The following DENND1B variants were observed in gnomAD, a reference collection of about 807,000 sequenced individuals.
DENND1B encodes the protein DENN domain containing 1B, also known as DENN domain-containing protein 1B.
Under a neutral mutation model 90.1 loss-of-function variants are expected in DENND1B, and 59 were observed. That is an observed-to-expected ratio of 0.65 (90% confidence interval 0.53 to 0.81). DENND1B has a LOEUF of 0.81. Among genes scored for constraint, DENND1B ranks in the 40% least tolerant of loss-of-function variants. The pLI is 0.00. For missense variants in DENND1B, 862 were observed against 912.6 expected (o/e 0.94, Z 0.71); for synonymous variants, 337 against 324.6 (o/e 1.04, Z -0.41).
At chr1:197,528,625 C>T (rs1669313095) in intron 20 of DENND1B, among the ~76,000 whole-genome samples, 1 of 152,094 alleles carries the variant, frequency 6.6e-6, no homozygotes, top group Admixed American at 6.5e-5. Context: ...CTTTGGGAGG[C>T]CGAGGCGGGC....
chr1:197,592,386 G>T (rs138134381), intron 14 of DENND1B, among the ~76,000 whole-genome samples: 1 of 152,076 alleles, frequency 6.6e-6, no homozygotes, highest in East Asian at 1.9e-4. Context: ...GGTGCTCAAT[G>T]GTCAGTTAAC....
intron 15 of DENND1B, among the ~76,000 whole-genome samples, chr1:197,577,785 C>T (rs1213519881): frequency 6.6e-6 from 1 of 152,084 alleles, no homozygotes; most frequent in Non-Finnish European, 1.5e-5. Context: ...ACAAATGGAA[C>T]CCACTATCAT....
At chr1:197,552,441 T>G (rs1282856966) in intron 16 of DENND1B, 1 of 985,238 alleles carries the variant, frequency 1.0e-6, no homozygotes, top group Non-Finnish European at 1.2e-6. Flanking sequence ...ATTAATTGCC[T>G]AGATAATTAT....
At chr1:197,572,952 G>A (rs1673309063) in intron 15 of DENND1B, among the ~76,000 whole-genome samples, 2 of 152,142 alleles carry the variant, frequency 1.3e-5, no homozygotes, top group South Asian at 2.1e-4. Flanking sequence ...ATTCTCTGAC[G>A]GTAGTTTGAA....
At position 197,511,964 on chromosome 1, in the gene DENND1B, G is replaced by C. The variant is rs372937455; in HGVS notation, c.1599-20C>G. On this transcript the variant is annotated intron_variant, in intron 21 of 22. Transcript: ENST00000620048. The stretch of plus-strand genomic sequence containing the variant: ...GATAACCTGAAGAAAAATAAAACAC[G>C]CAGTAGTAGGTAAATAACCATATTT... 6.4e-7 allele frequency: 1 copy of C among 1,572,824 alleles called. No homozygotes were observed. Among genetic ancestry groups the C allele is most frequent in the Non-Finnish European group, 8.7e-7 (1 of 1,151,334 alleles).
At chr1:197,540,540 T>C (rs1304428265) in intron 19 of DENND1B, among the ~76,000 whole-genome samples, 1 of 152,118 alleles carries the variant, frequency 6.6e-6, no homozygotes, top group Non-Finnish European at 1.5e-5. Context: ...TTTTGTAAAT[T>C]AAGAACATTC....
rs538423259 is a variant in DENND1B, at chr1:197,760,903, C to G, written c.82+11965G>C. Among the ~76,000 whole-genome samples the G allele has an allele frequency of 3.3e-5, 5 of 152,046 alleles. 1 individual carries two copies. The highest frequency in any genetic ancestry group is 5.9e-5 in the Non-Finnish European group (4 of 68,010). ...CTAGCATTCCATTTCAATATTTCCA[C>G]GTTTAGGGTATACAGTCAACATCCC... is the stretch of plus-strand genomic sequence containing the variant. On this transcript the variant is annotated intron_variant, in intron 2 of 22. Transcript: ENST00000620048.
intron 3 of DENND1B, among the ~76,000 whole-genome samples, chr1:197,683,583 C>A (rs1055218491): frequency 9.9e-5 from 15 of 152,018 alleles, no homozygotes; most frequent in African/African-American, 3.4e-4. Context: ...ACAGAGAGAA[C>A]CTGGTCTGGG....
At chr1:197,566,053 AG>A (rs1672631655) in intron 15 of DENND1B, among the ~76,000 whole-genome samples, 1 of 152,084 alleles carries the variant, frequency 6.6e-6, no homozygotes, top group Non-Finnish European at 1.5e-5. Flanking sequence ...TAGATCCCTG[AG>A]GAATCGCCAC....
chr1:197,517,813 C>A (rs79327245), intron 20 of DENND1B, among the ~76,000 whole-genome samples: 1 of 151,854 alleles, frequency 6.6e-6, no homozygotes, highest in African/African-American at 2.4e-5. Flanking sequence ...ACTACTAAAC[C>A]GTCTCCTTCT....
intron 13 of DENND1B, among the ~76,000 whole-genome samples, chr1:197,599,392 G>T (rs1675994964): frequency 6.6e-6 from 1 of 151,688 alleles, no homozygotes; most frequent in Non-Finnish European, 1.5e-5. Context: ...AAGCATCAGG[G>T]TAAAGAAGAG....
chr1:197,722,672 A>G (rs139246433), intron 2 of DENND1B, among the ~76,000 whole-genome samples: 3,184 of 152,294 alleles, frequency 0.021, 48 homozygotes, highest in South Asian at 0.043. Context: ...TCTGAAATTA[A>G]AATAATTCTT....
intron 13 of DENND1B, among the ~76,000 whole-genome samples, chr1:197,599,125 A>G (rs1315464268): frequency 2.0e-5 from 3 of 151,836 alleles, no homozygotes; most frequent in Non-Finnish European, 2.9e-5. Context: ...ACAGAATTAC[A>G]TAAGTAAACA....
chr1:197,516,708 T>C (rs1296403053), intron 20 of DENND1B, among the ~76,000 whole-genome samples: 1 of 151,730 alleles, frequency 6.6e-6, no homozygotes, highest in Non-Finnish European at 1.5e-5. Flanking sequence ...ACATATTGTG[T>C]ATTCTTAAGG....
At chr1:197,578,610 G>C (rs971853374) in intron 15 of DENND1B, among the ~76,000 whole-genome samples, 1 of 152,070 alleles carries the variant, frequency 6.6e-6, no homozygotes, top group Non-Finnish European at 1.5e-5. Context: ...ATGTTAATTA[G>C]CTTGATATAA....
chr1:197,705,403 G>A (rs1216843918), intron 3 of DENND1B, among the ~76,000 whole-genome samples: 1 of 152,034 alleles, frequency 6.6e-6, no homozygotes. Flanking sequence ...AGAATCCTAA[G>A]AGTTATGAAT....
At chr1:197,688,877 A>T (rs1657543967) in intron 3 of DENND1B, 1 of 214,144 alleles carries the variant, frequency 4.7e-6, no homozygotes, top group Admixed American at 4.2e-5. Context: ...AAGAACCATT[A>T]AAAAATGTGA....
At chr1:197,743,913 G>GT (rs1161748395) in intron 2 of DENND1B, among the ~76,000 whole-genome samples, 4 of 152,176 alleles carry the variant, frequency 2.6e-5, no homozygotes, top group African/African-American at 9.7e-5. Flanking sequence ...TCTCAACAAT[G>GT]TTCAGAGCAT....
chr1:197,728,694 A>C (rs548708726), intron 2 of DENND1B, among the ~76,000 whole-genome samples: 1 of 152,188 alleles, frequency 6.6e-6, no homozygotes, highest in African/African-American at 2.4e-5. Flanking sequence ...CTTGCCACTC[A>C]GCTCTTCTCA....
Sources: gnomAD v4.1 joint callset for allele counts (sites outside exome capture counted in the v4.1 genomes callset) on GRCh38, gnomAD v4.1.1 for gene constraint, MANE v1.5 for transcripts, NCBI Gene and HGNC (gene_info 2026-07-23, HGNC 2026-07-21) for gene names.